HACE1: variants seen among roughly 807,000 people sequenced by gnomAD.
HACE1 encodes the protein HECT domain and ankyrin repeat containing E3 ubiquitin protein ligase 1.
HACE1 carries 73 observed loss-of-function variants against 118.4 expected under a neutral mutation model. The observed-to-expected ratio is 0.62, with a 90% confidence interval of 0.51 to 0.75. The LOEUF is 0.75. HACE1 is among the 30% of genes least tolerant of loss of function. The pLI, the probability that HACE1 is intolerant of heterozygous loss-of-function variation, is 0.00. For synonymous variants in HACE1, 368 were observed against 374.8 expected, an observed-to-expected ratio of 0.98 and a Z score of 0.21; for missense variants, 749 against 1,102.2, an observed-to-expected ratio of 0.68 and a Z score of 4.54.
At chr6:104,841,452 C>T (rs1271495626) in intron 5 of HACE1, among the ~76,000 whole-genome samples, 2 of 152,094 alleles carry the variant, frequency 1.3e-5, no homozygotes, top group African/African-American at 4.8e-5. Flanking sequence ...CTCTGTTGCA[C>T]GTACCGTGTC....
At chr6:104,842,933 G>A (rs1019159538) in intron 5 of HACE1, among the ~76,000 whole-genome samples, 1 of 152,144 alleles carries the variant, frequency 6.6e-6, no homozygotes, top group East Asian at 1.9e-4. Flanking sequence ...CCAACATGGT[G>A]AAACCCCACC....
chr6:104,742,845 A>G (rs1158751373), intron 22 of HACE1, among the ~76,000 whole-genome samples: 11 of 152,120 alleles, frequency 7.2e-5, no homozygotes, highest in Non-Finnish European at 4.4e-5. Flanking sequence ...TTATGCTGCT[A>G]TAAAGACACA....
At chr6:104,842,668 T>C (rs1363635711) in intron 5 of HACE1, among the ~76,000 whole-genome samples, 2 of 152,038 alleles carry the variant, frequency 1.3e-5, no homozygotes, top group South Asian at 4.1e-4. Context: ...CCCTTAAAAG[T>C]CAGTGACAAA....
chr6:104,775,693 G>A (rs1781162155), intron 17 of HACE1, among the ~76,000 whole-genome samples: 1 of 152,200 alleles, frequency 6.6e-6, no homozygotes, highest in African/African-American at 2.4e-5. Context: ...AAAGCAGGCA[G>A]TTCCATGTTC....
chr6:104,832,014 G>GGAAA (rs1291442193), intron 6 of HACE1, among the ~76,000 whole-genome samples: 1 of 144,924 alleles, frequency 6.9e-6, no homozygotes, highest in Non-Finnish European at 1.5e-5. Context: ...AAGGAAGGAA[G>GGAAA]GAAGGAAGGA....
intron 22 of HACE1, among the ~76,000 whole-genome samples, chr6:104,741,695 T>C (rs1158976209): frequency 1.3e-5 from 2 of 149,008 alleles, no homozygotes; most frequent in African/African-American, 5.0e-5. Context: ...TCCATGCTCA[T>C]GGGTAGGAAG....
intron 1 of HACE1, among the ~76,000 whole-genome samples, chr6:104,854,475 G>A (rs1776531048): frequency 6.6e-6 from 1 of 152,112 alleles, no homozygotes; most frequent in Non-Finnish European, 1.5e-5. Context: ...ATTCATGTAA[G>A]TTTTCTGTAA....
intron 7 of HACE1, among the ~76,000 whole-genome samples, chr6:104,810,282 T>C (rs1182267751): frequency 1.4e-4 from 22 of 151,930 alleles, no homozygotes; most frequent in Non-Finnish European, 3.2e-4. Context: ...GCCCCTGAAT[T>C]CTAATACAGG....
chr6:104,738,165 T>C (rs1776154132), intron 22 of HACE1, among the ~76,000 whole-genome samples: 1 of 151,062 alleles, frequency 6.6e-6, no homozygotes, highest in East Asian at 1.9e-4. Flanking sequence ...AAAACCCATC[T>C]GTACATCACC....
intron 19 of HACE1, among the ~76,000 whole-genome samples, chr6:104,753,008 A>G (rs1459184857): frequency 2.6e-5 from 4 of 152,174 alleles, no homozygotes; most frequent in African/African-American, 9.7e-5. Flanking sequence ...GAGTTTTTCA[A>G]ATACTTGAAA....
intron 3 of HACE1, among the ~76,000 whole-genome samples, chr6:104,850,423 A>T (rs1776088012): frequency 1.3e-5 from 2 of 152,214 alleles, no homozygotes; most frequent in African/African-American, 4.8e-5. Flanking sequence ...TCGTAAGCCA[A>T]ATTATTCATG....
At chr6:104,791,692 C>G (rs765737771) in intron 10 of HACE1, 38 bp from the exon 11 acceptor site, 6 of 1,308,026 alleles carry the variant, frequency 4.6e-6, no homozygotes, top group South Asian at 3.6e-5. Flanking sequence ...TAGAGTAAAA[C>G]AAATTACATA....
At chr6:104,765,904 T>C (rs1779954923) in intron 19 of HACE1, among the ~76,000 whole-genome samples, 1 of 152,204 alleles carries the variant, frequency 6.6e-6, no homozygotes, top group Non-Finnish European at 1.5e-5. Flanking sequence ...AGTGTGGTCA[T>C]TCCAACACCA....
At chr6:104,744,864 A>C (rs1318375368) in intron 20 of HACE1, among the ~76,000 whole-genome samples, 2 of 152,176 alleles carry the variant, frequency 1.3e-5, no homozygotes, top group African/African-American at 4.8e-5. Context: ...ATTATAGTTT[A>C]TATGTTTATG....
At chr6:104,852,830 A>AAT (rs1196948772) in intron 1 of HACE1, among the ~76,000 whole-genome samples, 2 of 152,156 alleles carry the variant, frequency 1.3e-5, no homozygotes, top group Non-Finnish European at 1.5e-5. Context: ...ATGGATATTA[A>AAT]ATATATATAT....
At chr6:104,841,414 T>C (rs1775108656) in intron 5 of HACE1, among the ~76,000 whole-genome samples, 1 of 152,162 alleles carries the variant, frequency 6.6e-6, no homozygotes, top group Admixed American at 6.5e-5. Flanking sequence ...TAAGGAAAGA[T>C]CTATGTCATT....
intron 10 of HACE1, among the ~76,000 whole-genome samples, chr6:104,793,039 C>A (rs1783210228): frequency 1.3e-5 from 2 of 152,088 alleles, no homozygotes; most frequent in Admixed American, 1.3e-4. Context: ...GAGGCCGAGG[C>A]AGGCAGATCA....
Position 104,762,510 on chromosome 6 carries a change from T to G in HACE1, c.2211+8683A>C, listed in dbSNP as rs543836631. Among the ~76,000 whole-genome samples the G allele has an allele frequency of 5.9e-4, 89 of 151,856 alleles. 1 individual carries two copies. The highest frequency in any genetic ancestry group is 2.1e-3 in the African/African-American group (87 of 41,418). ...TGAGAGTTGAACAATGAGAAACACATGGACACAAGGAGGGGAACATCACGC... is the reference window on the plus strand; with the variant it reads ...TGAGAGTTGAACAATGAGAAACACAGGGACACAAGGAGGGGAACATCACGC... On this transcript the variant is annotated intron_variant, in intron 19 of 23. Transcript: ENST00000262903.
chr6:104,762,026 G>A (rs1360742810), intron 19 of HACE1, among the ~76,000 whole-genome samples: 3 of 152,122 alleles, frequency 2.0e-5, no homozygotes, highest in Non-Finnish European at 2.9e-5. Context: ...TTAGAATGGC[G>A]ATCATTAAAA....
Sources: allele counts gnomAD v4.1 joint callset (sites outside exome capture counted in the v4.1 genomes callset), GRCh38; gene constraint gnomAD v4.1.1; transcripts MANE v1.5; gene names NCBI Gene and HGNC (gene_info 2026-07-23, HGNC 2026-07-21).